Variants in PTRH1 observed in about 807,000 individuals in gnomAD.
PTRH1 encodes peptidyl-tRNA hydrolase 1 homolog.
In PTRH1, 13 loss-of-function variants were observed where a neutral mutation model predicts 15.7. The ratio of observed to expected loss-of-function variants is 0.83; its 90% CI spans 0.54 to 1.31. The LOEUF (loss-of-function observed/expected upper bound fraction) is 1.31. Ranked by LOEUF, PTRH1 falls within the 40% of genes most tolerant of loss-of-function variation. The pLI, the probability that PTRH1 is intolerant of heterozygous loss-of-function variation, is 0.00. For synonymous variants in PTRH1, 139 were observed against 136.7 expected (o/e 1.02, Z -0.12); for missense variants, 319 against 296.2 (o/e 1.08, Z -0.56).
At chr9:127,706,865 A>C in intron 1 of PTRH1, 1 of 742,516 alleles carries the variant, frequency 1.3e-6, no homozygotes, top group Non-Finnish European at 2.1e-6. Context: ...GGCCTCACTG[A>C]TGCCATCTGC....
At position 127,714,119 on chromosome 9, in the gene PTRH1, C is replaced by G. The variant is rs767993669; in HGVS notation, c.626G>C (p.Gly209Ala). 2.5e-6 allele frequency: 4 copies of G among 1,613,140 alleles called. No individual in the cohort carries two copies. Among genetic ancestry groups the G allele is most frequent in the Non-Finnish European group, 3.4e-6 (4 of 1,179,840 alleles). Residue 209 changes from glycine to alanine, a missense_variant, in exon 5 of 5, where the codon GGG (glycine) becomes GCG (alanine). Transcript: ENST00000543175. ...ILDHIRERSQ[G>A]PSLGP is the part of the protein sequence containing the mutation. ...CTAGTGTCACGGCCCCAGTGAGGGC[C>G]CCTGGCTTCGCTCACGGATGTGGTC...
chr9:127,704,870 T>C (rs1004767295), intron 1 of PTRH1, among the ~76,000 whole-genome samples: 26 of 151,620 alleles, frequency 1.7e-4, no homozygotes. Context: ...CACCTCAGCC[T>C]CCTGAGTAGC....
rs1327992231 is a variant in PTRH1, at chr9:127,715,130, C to G, written c.161G>C (p.Gly54Ala). The change falls in exon 2 of 5, where the codon GGG becomes GCG. Residue 54 changes from glycine (G) to alanine (A), a missense_variant. By Grantham distance (60) the Gly-to-Ala change is moderately conservative. Transcript: ENST00000543175. The surrounding 1 kb of genome is among the most constrained non-coding windows in gnomAD (Gnocchi z 5.8). The stretch of plus-strand genomic sequence containing the variant: ...CACACCCAGCCGCCGCGCCAGCTGC[C>G]CCAGCACCGCCATGCCCACGCTGTG... Reference protein sequence around the residue: ...TRHSVGMAVLGQLARRLGVAE... With the variant: ...TRHSVGMAVLAQLARRLGVAE... 5.2e-6 allele frequency: 8 copies of G among 1,536,798 alleles called. No homozygotes were observed. Among genetic ancestry groups the G allele is most frequent in the Admixed American group, 1.9e-5 (1 of 51,780 alleles).
In PTRH1 at chr9:127,714,653, C is replaced by G. The variant is rs1488913109; in HGVS notation, c.366G>C (p.Glu122Asp). The G allele has an allele frequency of 1.2e-6, 2 of 1,613,932 alleles. No homozygotes were observed. Among genetic ancestry groups the G allele is most frequent in the Non-Finnish European group, 1.7e-6 (2 of 1,179,942 alleles). ...TAEEVYLVHD[E>D]LDKPLGRLAL... ...CCAGTCTCCCCAGGGGCTTGTCCAGCTCATCATGCACCAGGTAGACTTCCT... is the reference window on the plus strand; with the variant it reads ...CCAGTCTCCCCAGGGGCTTGTCCAGGTCATCATGCACCAGGTAGACTTCCT... Residue 122 changes from glutamate to aspartate, a missense_variant, in exon 3 of 5, where the codon GAG becomes GAC. By Grantham distance (45) the Glu-to-Asp change is conservative (BLOSUM62 2). Transcript: ENST00000543175.
In PTRH1 at chr9:127,707,242, G is replaced by A. The variant is rs751445300; in HGVS notation, c.205+8193C>T. The A allele has an allele frequency of 1.1e-4, 176 of 1,584,852 alleles. 1 individual carries two copies. Among genetic ancestry groups the A allele is most frequent in the Non-Finnish European group, 1.5e-4 (171 of 1,168,766 alleles). On this transcript the variant is annotated intron_variant, in intron 1 of 2. Transcript: ENST00000335223. The stretch of plus-strand genomic sequence containing the variant: ...CTGGTGCCCTGGGTCAGAAGCCCAT[G>A]CCCAGGTGGCCCCCATGCAGGTTTG...
chr9:127,710,158 C>G (rs1842729793), downstream of PTRH1, among the ~76,000 whole-genome samples: 1 of 151,860 alleles, frequency 6.6e-6, no homozygotes, highest in South Asian at 2.1e-4. Context: ...ATATGTAGTC[C>G]CAGCTACTTG....
intron 1 of PTRH1, among the ~76,000 whole-genome samples, chr9:127,702,460 C>T (rs542995384): frequency 9.9e-5 from 15 of 151,946 alleles, no homozygotes; most frequent in African/African-American, 3.6e-4. Context: ...TCACTTGAGC[C>T]CAGGAGATCA....
At chr9:127,700,042 G>T (rs761971828) in intron 1 of PTRH1, among the ~76,000 whole-genome samples, 3 of 152,100 alleles carry the variant, frequency 2.0e-5, no homozygotes, top group Non-Finnish European at 4.4e-5. Flanking sequence ...CTAGCCGGTT[G>T]TGGTGCACTC....
intron 1 of PTRH1, among the ~76,000 whole-genome samples, chr9:127,697,917 C>CA (rs1255026768): frequency 2.0e-5 from 3 of 151,936 alleles, no homozygotes; most frequent in African/African-American, 7.3e-5. Context: ...AAAGCACAGA[C>CA]AAAACAAGAA....
intron 3 of PTRH1, 62 bp downstream of exon 3, chr9:127,714,541 T>A (rs1842869637): frequency 6.3e-7 from 1 of 1,591,394 alleles, no homozygotes; most frequent in Non-Finnish European, 8.6e-7. Context: ...TCAGCAGCCC[T>A]ACTCCACCCC....
rs758847128 is a variant in PTRH1 at position 127,703,443 on chromosome 9, AAG to A, written c.206-8304_206-8303del. On this transcript the variant is annotated intron_variant, in intron 1 of 2. Coordinates refer to the PTRH1 transcript ENST00000335223. ...CCTGGGCGACAGAGCAAGAGAAAGA[AAG>A]AGAGAGAGAGAGAAAGAGAAAGAGA... 3.2e-4 allele frequency among the ~76,000 whole-genome samples: 49 copies of A among 151,670 alleles called. No homozygotes were observed. In the East Asian group the frequency reaches 3.7e-3, roughly 11 times the overall value.
rs1842943921 is a variant in PTRH1, at chr9:127,715,466, C to G, written c.96+78G>C. On this transcript the variant is annotated intron_variant, in intron 1 of 4. Transcript: ENST00000543175. This position sits in a 1 kb window ranked among gnomAD's most constrained non-coding sequence, Gnocchi z 5.8. ...AGAAAACAGAGCAGCAATTTGGGGGCACTCGGCTCCCGGGACATAATGGCC... is the reference window on the plus strand; with the variant it reads ...AGAAAACAGAGCAGCAATTTGGGGGGACTCGGCTCCCGGGACATAATGGCC... The G allele has an allele frequency of 3.2e-6, 5 of 1,586,456 alleles. No individual in the cohort carries two copies. The highest frequency in any genetic ancestry group is 4.3e-6 in the Non-Finnish European group (5 of 1,160,314).
chr9:127,702,494 G>A (rs1366199852), intron 1 of PTRH1, among the ~76,000 whole-genome samples: 1 of 151,934 alleles, frequency 6.6e-6, no homozygotes, highest in Non-Finnish European at 1.5e-5. Flanking sequence ...CTGTGGTTGT[G>A]CCACTGCACT....
rs1564371929 is a variant in PTRH1 at position 127,715,605 on chromosome 9, C to T, written c.35G>A (p.Arg12Gln). 1.2e-6 allele frequency: 2 copies of T among 1,613,070 alleles called. No homozygotes were observed. Among genetic ancestry groups the T allele is most frequent in the African/African-American group, 1.3e-5 (1 of 75,072 alleles). ...RPGGFLGAGQ[R>Q]LSRAMSRCVL... is the part of the protein sequence containing the mutation. ...ACATCGGCTCATGGCTCTACTCAGC[C>T]GCTGTCCGGCGCCCAAAAAGCCGCC... The change falls in exon 1 of 5, where the codon CGG (arginine) becomes CAG (glutamine). Residue 12 changes from arginine to glutamine, a missense_variant. Physicochemically the swap from Arg to Gln is conservative, Grantham distance 43. Coordinates refer to ENST00000543175, the MANE Select transcript of PTRH1 (RefSeq NM_001002913.3). The surrounding 1 kb of genome is among the most constrained non-coding windows in gnomAD (Gnocchi z 5.8).
downstream of PTRH1, chr9:127,713,217 CA>C: frequency 6.6e-7 from 1 of 1,515,704 alleles, no homozygotes; most frequent in Non-Finnish European, 8.8e-7. Flanking sequence ...GTGAGGGTGC[CA>C]GGGGCCCCAG....
chr9:127,696,075 T>A (rs1455900719), intron 1 of PTRH1: 1 of 152,246 alleles, frequency 6.6e-6, no homozygotes, highest in Non-Finnish European at 1.5e-5. Flanking sequence ...CAGTGGCTCA[T>A]GCCTGTAATC....
At chr9:127,711,918 CCTGCAG>C, downstream of PTRH1, 1 of 1,605,406 alleles carries the variant, frequency 6.2e-7, no homozygotes, top group South Asian at 1.1e-5. Flanking sequence ...AGCAGAGATC[CCTGCAG>C]CTGCAGGTGG....
At chr9:127,706,542 G>C (rs1461297715) in intron 1 of PTRH1, among the ~76,000 whole-genome samples, 1 of 152,166 alleles carries the variant, frequency 6.6e-6, no homozygotes, top group Non-Finnish European at 1.5e-5. Flanking sequence ...GATTGGGGCT[G>C]GGGATGGAGC....
rs1222979350 is a variant in PTRH1 at position 127,714,063 on chromosome 9, G to A, written c.*37C>T. The A allele has an allele frequency of 2.5e-6, 4 of 1,603,104 alleles. No homozygotes were observed. In the South Asian group the frequency reaches 4.4e-5, roughly 18 times the overall value. On this transcript the variant is annotated 3_prime_UTR_variant, in exon 5 of 5. Transcript: ENST00000543175. The stretch of plus-strand genomic sequence containing the variant: ...CTCTGTGGCAGTGGCTGGGTTGGTG[G>A]GCACTACAGTCAGGCAGGCAGCCAT...
Sources: gnomAD v4.1 joint callset for allele counts (sites outside exome capture counted in the v4.1 genomes callset) on GRCh38, gnomAD v4.1.1 for gene constraint, Gnocchi (gnomAD v3.1) non-coding constraint, MANE v1.5 for transcripts, NCBI Gene and HGNC (gene_info 2026-07-23, HGNC 2026-07-21) for gene names.